CAPNS1: variants seen among roughly 807,000 people sequenced by gnomAD.
The protein encoded by CAPNS1 is calpain small subunit 1, also known as CANP small subunit.
A neutral mutation model predicts 39.2 loss-of-function variants in CAPNS1; 32 were observed. That is an observed-to-expected ratio of 0.82 (90% CI 0.62 to 1.10). The LOEUF (loss-of-function observed/expected upper bound fraction) is 1.10, where lower values mean the gene tolerates loss of function less well. Among genes scored for constraint, CAPNS1 ranks in the 50% least tolerant of loss-of-function variants. CAPNS1 has a pLI of 0.00. For missense variants in CAPNS1, 353 were observed against 373.1 expected (o/e 0.95, Z 0.44); for synonymous variants, 153 against 136.2 (o/e 1.12, Z -0.86).
chr19:36,149,588 A>G lies in CAPNS1; in HGVS notation c.732A>G (p.Lys244=). 6.7e-7 allele frequency: 1 copy of G among 1,487,904 alleles called. No homozygotes were observed. The highest frequency in any genetic ancestry group is 9.0e-7 in the Non-Finnish European group (1 of 1,116,212). The allele number at this position is 1,487,904 out of a possible 1,614,324, so 92.2% of individuals were successfully genotyped here. Residue 244 remains lysine, a synonymous_variant, in exon 10 of 11, where the codon AAA becomes AAG. Coordinates refer to ENST00000246533, the MANE Select transcript of CAPNS1 (RefSeq NM_001749.4). ...CATCTCCTCCTCCAGGTGCCTTCAA[A>G]TCTCTTGACAAAGATGGCACTGGAC... The part of the protein sequence containing the change: ...VRLDAMFRAF[K]SLDKDGTGQI...
In CAPNS1 at chr19:36,142,352, C is replaced by CT; in HGVS notation, c.243+19_243+20insT. ...GCCCCCGGTAAGCCCCCTCTGCAAC[C>CT]AGACCCCCTTCTCCTGCCAAGGCCT... On this transcript the variant is annotated intron_variant, in intron 3 of 10. Transcript: ENST00000246533. 1 of 1,438,414 alleles carries CT rather than the reference C, an allele frequency of 7.0e-7. No homozygotes were observed. The highest frequency in any genetic ancestry group is 9.6e-7 in the Non-Finnish European group (1 of 1,045,066). 89.1% of individuals were successfully genotyped at this position (1,438,414 alleles called of 1,614,324 possible).
rs376339416 is a variant in CAPNS1 at position 36,146,252 on chromosome 19, A to G, written c.661A>G (p.Ser221Gly). Residue 221 changes from serine (S) to glycine (G), a missense_variant, in exon 9 of 11, where the codon AGT becomes GGT. By Grantham distance (56) the Ser-to-Gly change is moderately conservative. Transcript: ENST00000246533. ...NMIIRRYSDE[S>G]GNMDFDNFIS... ...GATCATCCGACGCTACTCAGATGAA[A>G]GTGGGAACATGGATTTTGACAACTT... 5 of 1,614,028 alleles carry G rather than the reference A, an allele frequency of 3.1e-6. No homozygotes were observed. The African/African-American group carries it at 6.7e-5, about 22-fold the overall frequency.
In CAPNS1 at chr19:36,149,644, C is replaced by A; in HGVS notation, c.780+8C>A. On this transcript the variant is annotated splice_region_variant and intron_variant, in intron 10 of 10. Coordinates refer to ENST00000246533, the MANE Select transcript of CAPNS1 (RefSeq NM_001749.4). Reference sequence around the variant, plus strand: ...CAGGTGAACATCCAGGAGGTAAGGACCCCCATATTGGGGTATGGGTGCCTG... The same window carrying A: ...CAGGTGAACATCCAGGAGGTAAGGAACCCCATATTGGGGTATGGGTGCCTG... 1.3e-6 allele frequency: 2 copies of A among 1,577,048 alleles called. No individual in the cohort carries two copies. The highest frequency in any genetic ancestry group is 1.7e-4 in the Middle Eastern group (1 of 5,970).
chr19:36,145,754 T>C, intron 6 of CAPNS1, 52 bp from the exon 7 acceptor site: 2 of 1,448,060 alleles, frequency 1.4e-6, no homozygotes, highest in Non-Finnish European at 1.9e-6. Context: ...ACAGTGCATG[T>C]GATGCATGCA....
Position 36,141,122 on chromosome 19 carries a change from G to GGCGGCGGC in CAPNS1, c.112_113insCGGCGGCG (p.Gly38AlafsTer28). The GGCGGCGGC allele has an allele frequency of 7.6e-7, 1 of 1,321,524 alleles. No homozygotes were observed. The highest frequency in any genetic ancestry group is 9.8e-7 in the Non-Finnish European group (1 of 1,019,290). 81.9% of individuals were successfully genotyped at this position (1,321,524 alleles called of 1,614,324 possible). A position where few individuals can be genotyped will look rare whatever the true frequency, so the allele number is the denominator to read the frequency against. On this transcript the variant is annotated frameshift_variant, in exon 2 of 11. Transcript: ENST00000246533. LOFTEE classifies it high-confidence loss of function. ...TTGGAGGCCTGATCAGCGGGGCCGGGGGCGGCGGCGGCGGCGGCGGCGGCG... is the reference window on the plus strand; with the variant it reads ...TTGGAGGCCTGATCAGCGGGGCCGGGGCGGCGGCGGCGGCGGCGGCGGCGGCGGCGGCG...
intron 6 of CAPNS1, among the ~76,000 whole-genome samples, chr19:36,144,431 G>A (rs1296665182): frequency 6.6e-6 from 1 of 152,116 alleles, no homozygotes; most frequent in Non-Finnish European, 1.5e-5. Flanking sequence ...ACACACCTAA[G>A]AGCACACCCA....
intron 6 of CAPNS1, 26 bp downstream of exon 6, chr19:36,143,154 G>A (rs767071194): frequency 6.2e-7 from 1 of 1,606,844 alleles, no homozygotes; most frequent in South Asian, 1.1e-5. Context: ...GTGTGGGAGA[G>A]GCCCTGGGTG....
chr19:36,145,931 A>G (rs1974547938), intron 7 of CAPNS1, 45 bp from the exon 8 acceptor site: 5 of 1,611,998 alleles, frequency 3.1e-6, no homozygotes, highest in South Asian at 1.1e-5. Context: ...TGGAGACACT[A>G]TGCCCCACAA....
chr19:36,149,499 T>C, intron 9 of CAPNS1, 79 bp from the exon 10 acceptor site: 2 of 1,306,414 alleles, frequency 1.5e-6, no homozygotes, highest in Non-Finnish European at 2.0e-6. Context: ...TGTCATCCCA[T>C]GTATTTGTGT....
At chr19:36,141,265 A>G (rs769252196) in intron 2 of CAPNS1, 45 bp downstream of exon 2, 26 of 1,488,042 alleles carry the variant, frequency 1.7e-5, no homozygotes, top group Middle Eastern at 2.5e-4. Context: ...GAATGGGAGG[A>G]GCCTCAGTGA....
rs1974716080 is a variant in CAPNS1 at position 36,149,889 on chromosome 19, G to A, written c.*50G>A. On this transcript the variant is annotated 3_prime_UTR_variant, in exon 11 of 11. Transcript: ENST00000246533. ...CACTGCCTTGCTATAGGAGTCACCTGGAGCCTCGGTCTCTCCCAGGGCCGA... is the reference window on the plus strand; with the variant it reads ...CACTGCCTTGCTATAGGAGTCACCTAGAGCCTCGGTCTCTCCCAGGGCCGA... 7.2e-6 allele frequency: 10 copies of A among 1,391,262 alleles called. No homozygotes were observed. In the Admixed American group the frequency reaches 1.2e-4, roughly 16 times the overall value. 86.2% of individuals were successfully genotyped at this position (1,391,262 alleles called of 1,614,324 possible).
Position 36,140,095 on chromosome 19 carries a change from A to G in CAPNS1, c.-78A>G, listed in dbSNP as rs1196116380. On this transcript the variant is annotated 5_prime_UTR_variant, in exon 1 of 11. Transcript: ENST00000246533. ...CACCGGCCCCGCCCTCCGGAGCCGG[A>G]CGCTGCGGGAGGCCCGGGAGCGGCA... 6.6e-6 allele frequency: 1 copy of G among 152,180 alleles called. No individual in the cohort carries two copies. Among genetic ancestry groups the G allele is most frequent in the Non-Finnish European group, 1.5e-5 (1 of 68,026 alleles). 9.4% of individuals were successfully genotyped at this position (152,180 alleles called of 1,614,324 possible). A position where few individuals can be genotyped will look rare whatever the true frequency, so the allele number is the denominator to read the frequency against.
At chr19:36,143,693 C>G (rs1974459486) in intron 6 of CAPNS1, among the ~76,000 whole-genome samples, 1 of 126,752 alleles carries the variant, frequency 7.9e-6, no homozygotes, top group Admixed American at 7.9e-5. Flanking sequence ...AACCCTGTCT[C>G]TACCAAAAAA....
intron 9 of CAPNS1, among the ~76,000 whole-genome samples, chr19:36,147,317 A>C (rs1185343508): frequency 6.6e-6 from 1 of 152,204 alleles, no homozygotes; most frequent in African/African-American, 2.4e-5. Context: ...CTGAGATCTG[A>C]GCTAAGTAAG....
intron 2 of CAPNS1, among the ~76,000 whole-genome samples, chr19:36,141,840 T>C (rs1974386700): frequency 6.6e-6 from 1 of 151,750 alleles, no homozygotes; most frequent in Non-Finnish European, 1.5e-5. Context: ...TGGGGTAGGA[T>C]GTTGGGAAGA....
At chr19:36,140,895 G>A in intron 1 of CAPNS1, 102 bp from the exon 2 acceptor site, 1 of 1,553,620 alleles carries the variant, frequency 6.4e-7, no homozygotes, top group Non-Finnish European at 8.7e-7. Context: ...CCCACCCGGA[G>A]GCTTCAGATT....
chr19:36,143,041 G>A, intron 5 of CAPNS1, 23 bp from the exon 6 acceptor site: 4 of 1,614,090 alleles, frequency 2.5e-6, no homozygotes, highest in Non-Finnish European at 3.4e-6. Flanking sequence ...TCTGGCCTCT[G>A]ACTTTCAACC....
At position 36,150,121 on chromosome 19, in the gene CAPNS1, G is replaced by A; in HGVS notation, c.*282G>A. 5.7e-6 allele frequency: 2 copies of A among 353,656 alleles called. No individual in the cohort carries two copies. The highest frequency in any genetic ancestry group is 4.3e-5 in the East Asian group (1 of 23,302). 21.9% of individuals were successfully genotyped at this position (353,656 alleles called of 1,614,324 possible). On this transcript the variant is annotated 3_prime_UTR_variant, in exon 11 of 11. Transcript: ENST00000246533. ...ACACCCACTCCGTAACCTCTCCCCT[G>A]TACCTGTGCCAAGCCTAGCACTTGT...
At chr19:36,142,833 C>G in intron 4 of CAPNS1, 76 bp from the exon 5 acceptor site, 2 of 1,588,374 alleles carry the variant, frequency 1.3e-6, no homozygotes, top group Non-Finnish European at 1.7e-6. Context: ...CATGACAATC[C>G]CAGTGTTCCC....
Sources: gnomAD v4.1 joint callset for allele counts (sites outside exome capture counted in the v4.1 genomes callset) on GRCh38, gnomAD v4.1.1 for gene constraint, MANE v1.5 for transcripts, NCBI Gene and HGNC (gene_info 2026-07-23, HGNC 2026-07-21) for gene names.